The following TYW3 variants were observed in gnomAD, a reference collection of about 807,000 sequenced individuals.
The protein encoded by TYW3 is tRNA-yW synthesizing protein 3 homolog.
TYW3 carries 26 observed loss-of-function variants against 23.1 expected under a neutral mutation model. The observed-to-expected ratio is 1.13, with a 90% CI of 0.83 to 1.56. The LOEUF (loss-of-function observed/expected upper bound fraction) is 1.56, where lower values mean the gene tolerates loss of function less well. Among genes scored for constraint, TYW3 ranks in the 40% most tolerant of loss-of-function variants. The pLI, the probability that TYW3 is intolerant of heterozygous loss-of-function variation, is 0.00. For missense variants in TYW3, 316 were observed against 311.9 expected (o/e 1.01, Z -0.10); for synonymous variants, 102 against 105.7 (o/e 0.97, Z 0.21).
At position 74,765,324 on chromosome 1, in the gene TYW3, G is replaced by GTC. The variant is rs1354261540; in HGVS notation, c.*1212_*1213insCT. Reference sequence around the variant, plus strand: ...TATAGGAGAATAAGCAAGAGCTTAGGTAAGTTATAGTCCTTACCATTGGGT... The same window carrying GTC: ...TATAGGAGAATAAGCAAGAGCTTAGGTCTAAGTTATAGTCCTTACCATTGGGT... On this transcript the variant is annotated 3_prime_UTR_variant, in exon 6 of 6. Coordinates refer to ENST00000370867, the MANE Select transcript of TYW3 (RefSeq NM_138467.3). 1.3e-5 allele frequency: 2 copies of GTC among 152,172 alleles called. No individual in the cohort carries two copies. Among genetic ancestry groups the GTC allele is most frequent in the Non-Finnish European group, 2.9e-5 (2 of 68,036 alleles). The allele number at this position is 152,172 out of a possible 1,614,324, so 9.4% of individuals were successfully genotyped here.
chr1:74,740,824 A>C (rs748467274), intron 3 of TYW3, among the ~76,000 whole-genome samples: 1 of 152,200 alleles, frequency 6.6e-6, no homozygotes, highest in African/African-American at 2.4e-5. Flanking sequence ...GTTTTTACAG[A>C]GTGCTGATTG....
chr1:74,738,841 A>G lies in TYW3; in HGVS notation c.354+53A>G, dbSNP rs3736407. 7.3e-4 allele frequency: 1,016 copies of G among 1,400,816 alleles called. 11 individuals are homozygous for G. In the East Asian group the frequency reaches 0.021, roughly 29 times the overall value. 86.8% of individuals were successfully genotyped at this position (1,400,816 alleles called of 1,614,324 possible). A position where few individuals can be genotyped will look rare whatever the true frequency, so the allele number is the denominator to read the frequency against. ...ATTTATAGATATGTGGGTAGATGTA[A>G]TTTTAAGCTTTTAACCTGCTATAAA... On this transcript the variant is annotated intron_variant, in intron 3 of 5. Transcript: ENST00000370867.
chr1:74,755,110 A>G (rs1648908485), intron 5 of TYW3, among the ~76,000 whole-genome samples: 1 of 152,244 alleles, frequency 6.6e-6, no homozygotes, highest in Non-Finnish European at 1.5e-5. Flanking sequence ...ATATATTGTC[A>G]TCTAATATTG....
chr1:74,748,546 C>T (rs1403621878), intron 3 of TYW3: 37 of 540,084 alleles, frequency 6.9e-5, no homozygotes, highest in Non-Finnish European at 9.8e-6. Flanking sequence ...AATGACACAT[C>T]CATAGTTCAT....
intron 1 of TYW3, 22 bp from the exon 2 acceptor site, chr1:74,736,520 A>G (rs1648158286): frequency 6.5e-7 from 1 of 1,545,384 alleles, no homozygotes; most frequent in Non-Finnish European, 8.8e-7. Flanking sequence ...TGAAACTTAA[A>G]TTATGTTATT....
rs1239493313 is a variant in TYW3 at position 74,738,760 on chromosome 1, G to A, written c.326G>A (p.Cys109Tyr). The change falls in exon 3 of 6, where the codon TGT becomes TAT. Residue 109 changes from cysteine (C) to tyrosine (Y), a missense_variant. Transcript: ENST00000370867. The stretch of plus-strand genomic sequence containing the variant: ...GAACCATTTGTTCTTCATGTGCAGT[G>A]TCGACAATTGCAGGATGCACAGATT... ...KFEPFVLHVQCRQLQDAQILH... is the reference protein window; with the variant it reads ...KFEPFVLHVQYRQLQDAQILH... The A allele has an allele frequency of 6.2e-7, 1 of 1,611,258 alleles. No individual in the cohort carries two copies. Among genetic ancestry groups the A allele is most frequent in the African/African-American group, 1.3e-5 (1 of 75,008 alleles).
In TYW3 at chr1:74,736,619, TGTG is replaced by T. The variant is rs1348217877; in HGVS notation, c.255_255+2del. On this transcript the variant is annotated inframe_deletion and splice_region_variant, in exon 2 of 6. Coordinates refer to ENST00000370867, the MANE Select transcript of TYW3 (RefSeq NM_138467.3). The stretch of plus-strand genomic sequence containing the variant: ...CACACAAACTTTGTGTAAAAGATGA[TGTG>T]GTAAGTTTTAAAAAATAAATTTGGA... 1.9e-5 allele frequency: 31 copies of T among 1,589,756 alleles called. No homozygotes were observed. The highest frequency in any genetic ancestry group is 2.4e-5 in the Non-Finnish European group (28 of 1,169,054).
chr1:74,753,278 A>G (rs1254738797), intron 5 of TYW3, among the ~76,000 whole-genome samples: 1 of 152,114 alleles, frequency 6.6e-6, no homozygotes, highest in African/African-American at 2.4e-5. Context: ...CTCCATCCAT[A>G]CTGCTTCTTT....
At chr1:74,735,677 C>T (rs1648128423) in intron 1 of TYW3, among the ~76,000 whole-genome samples, 1 of 152,210 alleles carries the variant, frequency 6.6e-6, no homozygotes, top group East Asian at 1.9e-4. Flanking sequence ...GTGGGCCATA[C>T]ATTTGGCTCT....
In TYW3 at chr1:74,742,188, CTT is replaced by C. The variant is rs1460811272; in HGVS notation, c.354+3402_354+3403del. 5.3e-5 allele frequency among the ~76,000 whole-genome samples: 8 copies of C among 152,302 alleles called. No homozygotes were observed. The East Asian group carries it at 1.2e-3, about 22-fold the overall frequency. Reference sequence around the variant, plus strand: ...GTCCTCTCTGGGATAGTGACCTACTCTTTGTTCCCCAAAAGAGGCCTTAGGAT... The same window carrying C: ...GTCCTCTCTGGGATAGTGACCTACTCTGTTCCCCAAAAGAGGCCTTAGGAT... On this transcript the variant is annotated intron_variant, in intron 3 of 5. Coordinates refer to ENST00000370867, the MANE Select transcript of TYW3 (RefSeq NM_138467.3).
chr1:74,758,970 T>C (rs1649043745), intron 5 of TYW3, among the ~76,000 whole-genome samples: 1 of 152,226 alleles, frequency 6.6e-6, no homozygotes. Flanking sequence ...TAACACATTA[T>C]ATTGAGTTCT....
chr1:74,739,130 T>A (rs116551212), intron 3 of TYW3, among the ~76,000 whole-genome samples: 2,127 of 152,274 alleles, frequency 0.014, 51 homozygotes, highest in African/African-American at 0.049. Context: ...TAAAGAATAT[T>A]TCATTTTTCC....
chr1:74,737,912 G>A (rs531986071), intron 2 of TYW3, among the ~76,000 whole-genome samples: 1 of 152,168 alleles, frequency 6.6e-6, no homozygotes, highest in South Asian at 2.1e-4. Flanking sequence ...TGGTTCCACA[G>A]CTGATCAGGG....
Position 74,748,793 on chromosome 1 carries a change from A to G in TYW3, c.397A>G (p.Thr133Ala), listed in dbSNP as rs747180267. 1.9e-6 allele frequency: 3 copies of G among 1,613,988 alleles called. No individual in the cohort carries two copies. The highest frequency in any genetic ancestry group is 3.3e-5 in the Admixed American group (2 of 60,004). ...IDSGFRNSGITVGKRGKTMLA... is the reference protein window; with the variant it reads ...IDSGFRNSGIAVGKRGKTMLA... ...TTCTGGTTTCAGGAACTCTGGCATAACGGTGGGAAAGAGAGGAAAAACTAT... is the reference window on the plus strand; with the variant it reads ...TTCTGGTTTCAGGAACTCTGGCATAGCGGTGGGAAAGAGAGGAAAAACTAT... The change falls in exon 4 of 6, where the codon ACG (threonine) becomes GCG (alanine). Residue 133 changes from threonine to alanine, a missense_variant. Physicochemically the swap from Thr to Ala is moderately conservative, Grantham distance 58. Transcript: ENST00000370867.
chr1:74,739,747 G>A (rs977965677), intron 3 of TYW3, among the ~76,000 whole-genome samples: 6 of 152,220 alleles, frequency 3.9e-5, no homozygotes, highest in African/African-American at 9.6e-5. Flanking sequence ...GAAAAACTCA[G>A]TTCTGCTTCA....
intron 5 of TYW3, among the ~76,000 whole-genome samples, chr1:74,761,925 C>T (rs1198325464): frequency 3.9e-5 from 6 of 151,972 alleles, no homozygotes; most frequent in Non-Finnish European, 8.8e-5. Flanking sequence ...AAGATGGTGT[C>T]TACAGGGGAG....
At chr1:74,740,518 G>A (rs1648315183) in intron 3 of TYW3, among the ~76,000 whole-genome samples, 1 of 152,212 alleles carries the variant, frequency 6.6e-6, no homozygotes, top group Admixed American at 6.5e-5. Flanking sequence ...ACATCCTGCT[G>A]ATTGGTCGCT....
intron 5 of TYW3, among the ~76,000 whole-genome samples, chr1:74,757,420 T>C (rs984656414): frequency 2.0e-5 from 3 of 152,242 alleles, no homozygotes; most frequent in African/African-American, 7.2e-5. Flanking sequence ...ATGTGAGACA[T>C]GGAGTCAAAG....
Position 74,738,749 on chromosome 1 carries a change from T to A in TYW3, c.315T>A (p.Leu105=), listed in dbSNP as rs1351223590. Residue 105 remains leucine (L), a synonymous_variant, in exon 3 of 6, where the codon CTT becomes CTA. Transcript: ENST00000370867. ...CTTTGAAATTTGAACCATTTGTTCT[T>A]CATGTGCAGTGTCGACAATTGCAGG... ...DATLKFEPFV[L]HVQCRQLQDA... is the part of the protein sequence containing the mutation. The A allele has an allele frequency of 6.8e-6, 11 of 1,611,310 alleles. 1 individual carries two copies. The South Asian group carries it at 7.7e-5, about 11-fold the overall frequency.
Sources: gnomAD v4.1 joint callset for allele counts (sites outside exome capture counted in the v4.1 genomes callset) on GRCh38, gnomAD v4.1.1 for gene constraint, MANE v1.5 for transcripts, NCBI Gene and HGNC (gene_info 2026-07-23, HGNC 2026-07-21) for gene names.